RTKN: variants seen among roughly 807,000 people sequenced by gnomAD.
RTKN encodes the protein rhotekin.
Under a neutral mutation model 63.5 loss-of-function variants are expected in RTKN, and 49 were observed. The ratio of observed to expected loss-of-function variants is 0.77; its 90% confidence interval spans 0.61 to 0.98. RTKN has a LOEUF of 0.98. Ranked by LOEUF, RTKN falls within the 50% of genes least tolerant of loss-of-function variation. RTKN has a pLI of 0.00. For synonymous variants in RTKN, 295 were observed against 290.4 expected (o/e 1.02, Z -0.16); for missense variants, 685 against 740.8 (o/e 0.92, Z 0.87).
chr2:74,431,599 T>C (rs1382718082), intron 2 of RTKN, among the ~76,000 whole-genome samples: 4 of 152,230 alleles, frequency 2.6e-5, no homozygotes, highest in African/African-American at 9.7e-5. Context: ...TCTCAGAGGC[T>C]GTCCCCCCAC....
intron 1 of RTKN, chr2:74,440,679 G>T: frequency 1.8e-6 from 1 of 554,876 alleles, no homozygotes; most frequent in Non-Finnish European, 2.3e-6. Flanking sequence ...GGCCCCACGC[G>T]GGTTCCTCGG....
chr2:74,427,569 C>T lies in RTKN; in HGVS notation c.1110G>A (p.Glu370=). The change falls in exon 10 of 12, where the codon GAG becomes GAA. Residue 370 remains glutamate (E), a synonymous_variant. Transcript: ENST00000272430. ...AGGGCCGTCCTAGAGCCTGGTCCAGCTCCCCTGCCCGGACTCGAGTCTCCT... is the reference window on the plus strand; with the variant it reads ...AGGGCCGTCCTAGAGCCTGGTCCAGTTCCCCTGCCCGGACTCGAGTCTCCT... The part of the protein sequence containing the change: ...VNKETRVRAG[E]LDQALGRPFT... 2 of 1,613,006 alleles carry T rather than the reference C, an allele frequency of 1.2e-6. No homozygotes were observed. Among genetic ancestry groups the T allele is most frequent in the African/African-American group, 1.3e-5 (1 of 75,010 alleles).
intron 1 of RTKN, chr2:74,439,800 GGCT>G: frequency 1.4e-6 from 2 of 1,413,186 alleles, no homozygotes; most frequent in Non-Finnish European, 1.9e-6. Flanking sequence ...AAACCCCTCT[GGCT>G]GCTGTGACAA....
chr2:74,430,769 C>T (rs1430750011), intron 2 of RTKN, 92 bp from the exon 3 acceptor site: 21 of 1,275,258 alleles, frequency 1.6e-5, no homozygotes, highest in South Asian at 2.8e-5. Context: ...CTGATCCCAG[C>T]GCCTCAGCCA....
At chr2:74,440,107 C>A (rs1355833608) in intron 1 of RTKN, 1 of 600,322 alleles carries the variant, frequency 1.7e-6, no homozygotes, top group East Asian at 1.1e-4. Context: ...TGGAAGGGGG[C>A]AGGGAAACGA....
Position 74,426,499 on chromosome 2 carries a change from G to T in RTKN, c.1436C>A (p.Pro479His), listed in dbSNP as rs781409402. ...TGTAAACATTGCCAGCCAGGGTGGGGGTGTCTCCAGCCTTGCGCCCTCCCG... is the reference window on the plus strand; with the variant it reads ...TGTAAACATTGCCAGCCAGGGTGGGTGTGTCTCCAGCCTTGCGCCCTCCCG... ...TQREGARLETPPPWLAMFTDQ... is the reference protein window; with the variant it reads ...TQREGARLETHPPWLAMFTDQ... The change falls in exon 12 of 12, where the codon CCC becomes CAC. Residue 479 changes from proline (P) to histidine (H), a missense_variant. Pro to His is a moderately conservative substitution (Grantham distance 77). Coordinates refer to ENST00000272430, the MANE Select transcript of RTKN (RefSeq NM_001015055.2). 3.1e-6 allele frequency: 5 copies of T among 1,591,922 alleles called. No individual in the cohort carries two copies. The South Asian group carries it at 5.7e-5, about 18-fold the overall frequency.
chr2:74,430,737 T>A, intron 2 of RTKN, 60 bp from the exon 3 acceptor site: 1 of 1,486,394 alleles, frequency 6.7e-7, no homozygotes, highest in Non-Finnish European at 9.2e-7. Flanking sequence ...CTTGCTCTGG[T>A]CCCAACGACT....
chr2:74,434,734 C>T (rs761582736), intron 1 of RTKN, among the ~76,000 whole-genome samples: 50 of 152,150 alleles, frequency 3.3e-4, no homozygotes, highest in Admixed American at 2.0e-4. Flanking sequence ...TTTATATATA[C>T]CCTTTGTACT....
At chr2:74,430,749 T>G in intron 2 of RTKN, 72 bp from the exon 3 acceptor site, 38 of 1,451,990 alleles carry the variant, frequency 2.6e-5, no homozygotes, top group Non-Finnish European at 3.6e-5. Context: ...CCAACGACTC[T>G]AGGATCCCCC....
chr2:74,441,067 C>T (rs867105294), intron 1 of RTKN, among the ~76,000 whole-genome samples: 1 of 152,234 alleles, frequency 6.6e-6, no homozygotes, highest in Admixed American at 6.5e-5. Context: ...GGTGGGGATC[C>T]AACAGGTTAA....
At chr2:74,433,472 C>G (rs1046362933) in intron 1 of RTKN, among the ~76,000 whole-genome samples, 1 of 150,862 alleles carries the variant, frequency 6.6e-6, no homozygotes, top group Admixed American at 6.6e-5. Flanking sequence ...GCCATACATA[C>G]AAAAATATTC....
intron 1 of RTKN, among the ~76,000 whole-genome samples, chr2:74,438,306 A>T (rs1671167144): frequency 6.6e-6 from 1 of 152,114 alleles, no homozygotes; most frequent in Non-Finnish European, 1.5e-5. Flanking sequence ...TGTCAGACCT[A>T]CCACCACCAT....
Position 74,430,312 on chromosome 2 carries a change from G to T in RTKN, c.485C>A (p.Thr162Lys). 2.5e-6 allele frequency: 4 copies of T among 1,614,102 alleles called. No homozygotes were observed. Among genetic ancestry groups the T allele is most frequent in the Non-Finnish European group, 3.4e-6 (4 of 1,179,966 alleles). Residue 162 changes from threonine (T) to lysine (K), a missense_variant, in exon 5 of 12, where the codon ACA becomes AAA. By Grantham distance (78) the Thr-to-Lys change is moderately conservative. Transcript: ENST00000272430. ...LLQLGEHIQDTEMILVDRTLT... is the reference protein window; with the variant it reads ...LLQLGEHIQDKEMILVDRTLT... Reference sequence around the variant, plus strand: ...GGTCCTGTCCACTAGGATCATCTCTGTGTCCTGGATGTGTTCCCCCAGCTG... The same window carrying T: ...GGTCCTGTCCACTAGGATCATCTCTTTGTCCTGGATGTGTTCCCCCAGCTG...
chr2:74,428,798 CCT>C (rs1344794833), intron 7 of RTKN, 48 bp downstream of exon 7: 1 of 1,604,652 alleles, frequency 6.2e-7, no homozygotes, highest in South Asian at 1.1e-5. Flanking sequence ...TCCCACAGCC[CCT>C]CTTCTCACCA....
At chr2:74,432,687 G>A in intron 1 of RTKN, 21 bp from the exon 2 acceptor site, 1 of 1,611,590 alleles carries the variant, frequency 6.2e-7, no homozygotes, top group Non-Finnish European at 8.5e-7. Flanking sequence ...TTGGGGGAAG[G>A]GTGAGAAGGA....
chr2:74,428,981 C>T, intron 6 of RTKN, 39 bp from the exon 7 acceptor site: 1 of 1,531,818 alleles, frequency 6.5e-7, no homozygotes, highest in Non-Finnish European at 9.0e-7. Flanking sequence ...AAGGGAGGGG[C>T]ATGTTGGCCA....
At chr2:74,427,319 C>G (rs779445255) in intron 10 of RTKN, 46 bp from the exon 11 acceptor site, 2 of 1,608,930 alleles carry the variant, frequency 1.2e-6, no homozygotes, top group Admixed American at 1.7e-5. Context: ...GCTGCCCTTT[C>G]TCCTGCTACA....
chr2:74,428,847 C>T lies in RTKN; in HGVS notation c.850+1G>A. The T allele has an allele frequency of 1.2e-6, 2 of 1,613,722 alleles. No homozygotes were observed. The highest frequency in any genetic ancestry group is 2.2e-5 in the East Asian group (1 of 44,886). On this transcript the variant is annotated splice_donor_variant, in intron 7 of 11. Transcript: ENST00000272430. LOFTEE classifies it high-confidence loss of function. ...TGTCCCCCATGCACACACATACTTA[C>T]CATGACTGGCAAGGGTGAGGTCATG... is the stretch of plus-strand genomic sequence containing the variant.
intron 5 of RTKN, 94 bp downstream of exon 5, chr2:74,430,158 C>T: frequency 3.3e-6 from 5 of 1,507,964 alleles, no homozygotes; most frequent in East Asian, 2.3e-5. Flanking sequence ...CTCCTCTCCA[C>T]CCTGCCCCCA....
Sources: gnomAD v4.1 joint callset for allele counts (sites outside exome capture counted in the v4.1 genomes callset) on GRCh38, gnomAD v4.1.1 for gene constraint, MANE v1.5 for transcripts, NCBI Gene and HGNC (gene_info 2026-07-23, HGNC 2026-07-21) for gene names.